Variants in ANK2 observed in about 807,000 individuals in gnomAD.
ANK2 encodes the protein ankyrin 2.
Under a neutral mutation model 360.5 loss-of-function variants are expected in ANK2, and 83 were observed. The observed-to-expected ratio is 0.23, with a 90% confidence interval of 0.19 to 0.28. The LOEUF is 0.28. Ranked by LOEUF, ANK2 falls within the 10% of genes least tolerant of loss-of-function variation. The pLI, the probability that ANK2 is intolerant of heterozygous loss-of-function variation, is 1.00. For missense variants in ANK2, 4,201 were observed against 4,795.7 expected (o/e 0.88, Z 3.66); for synonymous variants, 1,740 against 1,759.5 (o/e 0.99, Z 0.28).
At chr4:113,246,376 A>C (rs1304470917) in intron 9 of ANK2, among the ~76,000 whole-genome samples, 1 of 152,138 alleles carries the variant, frequency 6.6e-6, no homozygotes, top group Non-Finnish European at 1.5e-5. Flanking sequence ...GGCATTTTCC[A>C]TCTTGTTGGC....
At chr4:113,124,199 G>T (rs927286524) in intron 1 of ANK2, among the ~76,000 whole-genome samples, 4 of 152,180 alleles carry the variant, frequency 2.6e-5, no homozygotes, top group African/African-American at 7.2e-5. Context: ...TGTTTTGAAA[G>T]AACTCAAGTT....
chr4:112,749,891 G>T, the ANK2 span, among the ~76,000 whole-genome samples: 1 of 151,936 alleles, frequency 6.6e-6, no homozygotes, highest in African/African-American at 2.4e-5. Flanking sequence ...GATTACAGGC[G>T]CCCACCACCA....
At chr4:113,194,358 A>C (rs2098717440) in intron 2 of ANK2, among the ~76,000 whole-genome samples, 1 of 152,136 alleles carries the variant, frequency 6.6e-6, no homozygotes, top group Admixed American at 6.5e-5. Context: ...GGTTCCATGA[A>C]AATTTTTATT....
rs2153925885 is a variant in ANK2 at position 113,330,434 on chromosome 4, T to C, written c.3089T>C (p.Leu1030Pro). Residue 1030 changes from leucine to proline, a missense_variant, in exon 27 of 46, where the codon CTG becomes CCG. Around this residue, in one of 4 missense-constraint regions of ANK2, gnomAD observed 1,268 missense variants for 1,650.8 expected, o/e 0.77. Coordinates refer to ENST00000357077, the MANE Select transcript of ANK2 (RefSeq NM_001148.6). Reference protein sequence around the residue: ...MVEGEGLASRLIEVGPSGAQF... With the variant: ...MVEGEGLASRPIEVGPSGAQF... The stretch of plus-strand genomic sequence containing the variant: ...GAAGGAGAAGGCCTGGCCAGTCGCC[T>C]GATCGAAGTTGGACCTTCTGGTGCT... The C allele has an allele frequency of 6.2e-7, 1 of 1,614,232 alleles. No homozygotes were observed. Among genetic ancestry groups the C allele is most frequent in the Non-Finnish European group, 8.5e-7 (1 of 1,180,032 alleles).
At position 112,881,673 on chromosome 4, in the gene ANK2, A is replaced by G. The variant is rs142878600; in HGVS notation, c.-39-22782A>G. On this transcript the variant is annotated intron_variant, in intron 1 of 30. Coordinates refer to the ANK2 transcript ENST00000503271. ...CTTTCCACAGAACAGAAGCTAAAAT[A>G]CAATTAGTCACAAACACAGTTCTCG... The G allele has an allele frequency of 1.8e-3, 834 of 467,546 alleles. 15 individuals are homozygous for G. In the East Asian group the frequency reaches 0.026, roughly 14 times the overall value. 29.0% of individuals were successfully genotyped at this position (467,546 alleles called of 1,614,324 possible).
At chr4:112,715,661 G>A in the ANK2 span, among the ~76,000 whole-genome samples, 3 of 152,060 alleles carry the variant, frequency 2.0e-5, no homozygotes, top group Admixed American at 6.6e-5. Flanking sequence ...TTGTTCAGTC[G>A]CCTTGTACTC....
intron 1 of ANK2, among the ~76,000 whole-genome samples, chr4:113,097,838 ATATG>A (rs370704298): frequency 0.45 from 42,066 of 94,524 alleles, 7,292 homozygotes; most frequent in African/African-American, 0.48. Context: ...TCTTGTATAT[ATATG>A]TGTGTGTGTG....
intron 45 of ANK2, among the ~76,000 whole-genome samples, chr4:113,380,253 C>CT (rs1456023040): frequency 1.4e-5 from 2 of 145,420 alleles, no homozygotes; most frequent in African/African-American, 2.6e-5. Flanking sequence ...TTACTTTACT[C>CT]TAAAAAAAAA....
chr4:113,357,263 C>T lies in ANK2; in HGVS notation c.8645C>T (p.Thr2882Ile), dbSNP rs56222626. 9 of 1,614,016 alleles carry T rather than the reference C, an allele frequency of 5.6e-6. No individual in the cohort carries two copies. The highest frequency in any genetic ancestry group is 6.8e-6 in the Non-Finnish European group (8 of 1,179,974). Residue 2882 changes from threonine to isoleucine, a missense_variant, in exon 38 of 46, where the codon ACA becomes ATA. Transcript: ENST00000357077. ...QKTEVTKTDE[T>I]FENLPKDCPS... ...ACAGAGGTCACAAAAACTGATGAAACATTTGAGAACTTACCAAAGGACTGC... is the reference window on the plus strand; with the variant it reads ...ACAGAGGTCACAAAAACTGATGAAATATTTGAGAACTTACCAAAGGACTGC...
At chr4:112,739,496 C>T in the ANK2 span, among the ~76,000 whole-genome samples, 2,062 of 152,200 alleles carry the variant, frequency 0.014, 28 homozygotes, top group Non-Finnish European at 0.023. Context: ...CACCTGTAAT[C>T]CCAGCTACTT....
chr4:113,085,324 T>C (rs548855213), intron 1 of ANK2, among the ~76,000 whole-genome samples: 8 of 152,184 alleles, frequency 5.3e-5, no homozygotes, highest in Admixed American at 4.6e-4. Context: ...TCTTTTTCTT[T>C]TTTTTTTGAG....
At chr4:112,873,262 G>A (rs2073878217) in intron 1 of ANK2, among the ~76,000 whole-genome samples, 3 of 151,154 alleles carry the variant, frequency 2.0e-5, no homozygotes, top group African/African-American at 7.3e-5. Context: ...TTTGGGCTTA[G>A]GTCGCTCTCC....
intron 1 of ANK2, among the ~76,000 whole-genome samples, chr4:113,113,163 C>T (rs2094462237): frequency 6.7e-6 from 1 of 149,568 alleles, no homozygotes; most frequent in Admixed American, 6.7e-5. Flanking sequence ...ATAGTTCAAA[C>T]ATAGTTCAAG....
the ANK2 span, among the ~76,000 whole-genome samples, chr4:112,753,659 C>G: frequency 6.6e-6 from 1 of 152,300 alleles, no homozygotes; most frequent in South Asian, 2.1e-4. Context: ...CCAAGATGGC[C>G]ATGAGAGTGA....
At chr4:112,973,824 C>T (rs1180533417) in intron 2 of ANK2, among the ~76,000 whole-genome samples, 1 of 152,162 alleles carries the variant, frequency 6.6e-6, no homozygotes, top group Non-Finnish European at 1.5e-5. Flanking sequence ...TGGGCCACTG[C>T]ATTGTTGTTA....
intron 1 of ANK2, among the ~76,000 whole-genome samples, chr4:113,075,386 C>T (rs1296123184): frequency 2.6e-5 from 4 of 152,186 alleles, no homozygotes; most frequent in Non-Finnish European, 5.9e-5. Context: ...GGTGTTCTCT[C>T]CAGTTCCAGT....
At chr4:113,280,938 C>T (rs994121822) in intron 17 of ANK2, among the ~76,000 whole-genome samples, 6 of 152,182 alleles carry the variant, frequency 3.9e-5, no homozygotes, top group Admixed American at 3.9e-4. Context: ...CCACAAAAAT[C>T]TGTGTGTCCT....
At position 113,355,085 on chromosome 4, in the gene ANK2, G is replaced by A. The variant is rs760436503; in HGVS notation, c.6467G>A (p.Ser2156Asn). 6.2e-7 allele frequency: 1 copy of A among 1,614,108 alleles called. No homozygotes were observed. Among genetic ancestry groups the A allele is most frequent in the Non-Finnish European group, 8.5e-7 (1 of 1,179,998 alleles). The change falls in exon 38 of 46, where the codon AGT becomes AAT. Residue 2156 changes from serine to asparagine, a missense_variant. Coordinates refer to ENST00000357077, the MANE Select transcript of ANK2 (RefSeq NM_001148.6). ...DNDKYQQFRL[S>N]EETEKAQLHL... Reference sequence around the variant, plus strand: ...GACAAATACCAACAATTCCGCCTGAGTGAGGAGACAGAAAAGGCACAGCTT... The same window carrying A: ...GACAAATACCAACAATTCCGCCTGAATGAGGAGACAGAAAAGGCACAGCTT...
intron 1 of ANK2, among the ~76,000 whole-genome samples, chr4:113,118,283 C>T (rs545250145): frequency 6.6e-6 from 1 of 152,258 alleles, no homozygotes; most frequent in Non-Finnish European, 1.5e-5. Flanking sequence ...TGATAAATGG[C>T]TTATTACATT....
Sources: gnomAD v4.1 joint callset for allele counts (sites outside exome capture counted in the v4.1 genomes callset) on GRCh38, gnomAD v4.1.1 for gene constraint, gnomAD v4.1.1 regional missense constraint, MANE v1.5 for transcripts, NCBI Gene and HGNC (gene_info 2026-07-23, HGNC 2026-07-21) for gene names.